Variants in AP3S1 observed in about 807,000 individuals in gnomAD.
The protein encoded by AP3S1 is AP-3 complex subunit sigma-1.
AP3S1 carries 12 observed loss-of-function variants against 21.3 expected under a neutral mutation model. The ratio of observed to expected loss-of-function variants is 0.56; its 90% confidence interval spans 0.36 to 0.91. The LOEUF (loss-of-function observed/expected upper bound fraction) is 0.91. AP3S1 is among the 40% of genes least tolerant of loss of function. AP3S1 has a pLI of 0.01. For missense variants in AP3S1, 116 were observed against 225.0 expected (o/e 0.52, Z 3.10); for synonymous variants, 48 against 78.4 (o/e 0.61, Z 2.05).
At chr5:115,862,557 C>T (rs1352027114) in intron 1 of AP3S1, among the ~76,000 whole-genome samples, 2 of 152,134 alleles carry the variant, frequency 1.3e-5, no homozygotes, top group African/African-American at 2.4e-5. Flanking sequence ...TAAATTATAA[C>T]TGTATAAAAT....
At chr5:115,913,112 A>G (rs903974068) in intron 5 of AP3S1, among the ~76,000 whole-genome samples, 1 of 152,172 alleles carries the variant, frequency 6.6e-6, no homozygotes, top group African/African-American at 2.4e-5. Context: ...GTGGTAGTGC[A>G]CATTAATTTG....
intron 1 of AP3S1, among the ~76,000 whole-genome samples, chr5:115,860,647 T>A (rs1763106976): frequency 6.6e-6 from 1 of 152,230 alleles, no homozygotes; most frequent in Non-Finnish European, 1.5e-5. Flanking sequence ...GATTTCCCTC[T>A]CACCAATTTA....
chr5:115,905,522 T>C (rs1431656702), intron 5 of AP3S1, among the ~76,000 whole-genome samples: 2 of 152,230 alleles, frequency 1.3e-5, no homozygotes, highest in Non-Finnish European at 2.9e-5. Flanking sequence ...ATATTTTCTA[T>C]ACATGTAACG....
chr5:115,865,865 C>T (rs1267233260), intron 1 of AP3S1, among the ~76,000 whole-genome samples: 1 of 152,164 alleles, frequency 6.6e-6, no homozygotes, highest in Non-Finnish European at 1.5e-5. Context: ...GTGGCGCGAT[C>T]TCAGCTCACT....
chr5:115,849,630 T>G (rs1762295583), intron 1 of AP3S1, among the ~76,000 whole-genome samples: 1 of 152,204 alleles, frequency 6.6e-6, no homozygotes, highest in African/African-American at 2.4e-5. Flanking sequence ...TGAATCACAC[T>G]TGCATTTTGC....
chr5:115,872,755 A>G (rs950107874), intron 3 of AP3S1, among the ~76,000 whole-genome samples: 1 of 152,172 alleles, frequency 6.6e-6, no homozygotes, highest in African/African-American at 2.4e-5. Flanking sequence ...GATCAGGACT[A>G]TATATTGCAT....
rs749656959 is a variant in AP3S1, at chr5:115,870,139, A to G, written c.273+11A>G. 2.7e-6 allele frequency: 4 copies of G among 1,505,536 alleles called. No homozygotes were observed. The African/African-American group carries it at 4.2e-5, about 16-fold the overall frequency. 93.3% of individuals were successfully genotyped at this position (1,505,536 alleles called of 1,614,324 possible). A position where few individuals can be genotyped will look rare whatever the true frequency, so the allele number is the denominator to read the frequency against. On this transcript the variant is annotated intron_variant, in intron 3 of 5. Coordinates refer to ENST00000316788, the MANE Select transcript of AP3S1 (RefSeq NM_001284.4). The stretch of plus-strand genomic sequence containing the variant: ...TTAGATCTAATTCAAGTAAGTTAAC[A>G]CTTGCTTCTTACTATCTTAAATAAC...
chr5:115,894,185 A>C (rs1041259779), intron 3 of AP3S1, among the ~76,000 whole-genome samples: 1 of 152,182 alleles, frequency 6.6e-6, no homozygotes, highest in Non-Finnish European at 1.5e-5. Flanking sequence ...GTTCCTTTCT[A>C]CTGGAGTTAC....
chr5:115,890,505 G>C (rs1750202619), intron 3 of AP3S1, among the ~76,000 whole-genome samples: 1 of 152,190 alleles, frequency 6.6e-6, no homozygotes, highest in South Asian at 2.1e-4. Context: ...TGGTTGATAA[G>C]TGACTGATGG....
chr5:115,880,923 G>C (rs1403593657), intron 3 of AP3S1, among the ~76,000 whole-genome samples: 1 of 152,088 alleles, frequency 6.6e-6, no homozygotes, highest in Non-Finnish European at 1.5e-5. Context: ...AGCTCTTCTT[G>C]TTGGGTTGAT....
intron 4 of AP3S1, among the ~76,000 whole-genome samples, chr5:115,899,887 A>G (rs1372061423): frequency 1.3e-5 from 2 of 152,182 alleles, no homozygotes; most frequent in Non-Finnish European, 2.9e-5. Flanking sequence ...TTTTAGTAGG[A>G]AAACAAGGTC....
chr5:115,866,234 A>C (rs944224520), intron 1 of AP3S1, among the ~76,000 whole-genome samples: 14 of 152,246 alleles, frequency 9.2e-5, no homozygotes, highest in African/African-American at 3.4e-4. Flanking sequence ...TATTTAGTAA[A>C]GGTTAAACTT....
chr5:115,902,776 C>T, intron 4 of AP3S1, 109 bp from the exon 5 acceptor site: 1 of 708,798 alleles, frequency 1.4e-6, no homozygotes, highest in Non-Finnish European at 2.2e-6. Flanking sequence ...TTGTTTTTAC[C>T]ACTCATACTT....
intron 3 of AP3S1, among the ~76,000 whole-genome samples, chr5:115,871,062 A>G (rs1748192492): frequency 6.6e-6 from 1 of 152,216 alleles, no homozygotes; most frequent in Non-Finnish European, 1.5e-5. Flanking sequence ...ATCTTTTATA[A>G]TGGATACTAA....
intron 1 of AP3S1, among the ~76,000 whole-genome samples, chr5:115,845,609 G>A (rs924695631): frequency 2.0e-5 from 3 of 151,920 alleles, no homozygotes; most frequent in Non-Finnish European, 4.4e-5. Flanking sequence ...CAAGGCAGGC[G>A]GATCACCTGA....
intron 3 of AP3S1, among the ~76,000 whole-genome samples, chr5:115,891,004 C>T (rs1420702697): frequency 6.6e-6 from 1 of 152,148 alleles, no homozygotes. Flanking sequence ...AGCAGCATTA[C>T]CCCATTCAGT....
chr5:115,855,586 C>G (rs1762746920), intron 1 of AP3S1, among the ~76,000 whole-genome samples: 1 of 151,866 alleles, frequency 6.6e-6, no homozygotes, highest in South Asian at 2.1e-4. Flanking sequence ...GTGATCCTCC[C>G]ACCTTGGCCT....
In AP3S1 at chr5:115,913,596, C is replaced by G. The variant is rs1272180819; in HGVS notation, c.*106C>G. ...GAGGAGGAGAGTCTTAACTTTTGCT[C>G]TTGGATTTAAGTCAAGGTACTGTAT... On this transcript the variant is annotated 3_prime_UTR_variant, in exon 6 of 6. Transcript: ENST00000316788. The G allele has an allele frequency of 4.7e-6, 7 of 1,505,178 alleles. No homozygotes were observed. The highest frequency in any genetic ancestry group is 6.3e-6 in the Non-Finnish European group (7 of 1,119,134). 93.2% of individuals were successfully genotyped at this position (1,505,178 alleles called of 1,614,324 possible).
intron 1 of AP3S1, among the ~76,000 whole-genome samples, chr5:115,847,737 C>G (rs983430739): frequency 6.7e-6 from 1 of 150,016 alleles, no homozygotes; most frequent in Non-Finnish European, 1.5e-5. Flanking sequence ...GTAAATCAAG[C>G]TAACTAACAT....
Sources: gnomAD v4.1 joint callset for allele counts (sites outside exome capture counted in the v4.1 genomes callset) on GRCh38, gnomAD v4.1.1 for gene constraint, MANE v1.5 for transcripts, NCBI Gene and HGNC (gene_info 2026-07-23, HGNC 2026-07-21) for gene names.